CDH2: variants seen among roughly 807,000 people sequenced by gnomAD.
CDH2 encodes cadherin 2, also known as cadherin-2.
Under a neutral mutation model 92.0 loss-of-function variants are expected in CDH2, and 17 were observed. The ratio of observed to expected loss-of-function variants is 0.18; its 90% CI spans 0.13 to 0.28. The LOEUF (loss-of-function observed/expected upper bound fraction) is 0.28. Among genes scored for constraint, CDH2 ranks in the 10% least tolerant of loss-of-function variants. The pLI is 1.00. For missense variants in CDH2, 862 were observed against 1,133.1 expected, an observed-to-expected ratio of 0.76 and a Z score of 3.44; for synonymous variants, 419 against 415.9, an observed-to-expected ratio of 1.01 and a Z score of -0.09.
At chr18:27,995,995 C>T (rs559330953) in intron 7 of CDH2, among the ~76,000 whole-genome samples, 4 of 152,224 alleles carry the variant, frequency 2.6e-5, no homozygotes, top group South Asian at 2.1e-4. Flanking sequence ...ATTTAGATTC[C>T]GTTAAGTGTT....
intron 15 of CDH2, 131 bp from the exon 16 acceptor site, chr18:27,952,490 T>A: frequency 1.5e-6 from 1 of 687,510 alleles, no homozygotes; most frequent in Non-Finnish European, 2.5e-6. Context: ...CATACCATAT[T>A]TTCAACACAT....
At chr18:28,082,364 T>A (rs1383825594) in intron 2 of CDH2, among the ~76,000 whole-genome samples, 1 of 152,068 alleles carries the variant, frequency 6.6e-6, no homozygotes, top group Non-Finnish European at 1.5e-5. Context: ...TGAGCTATGA[T>A]CACACAACTG....
At chr18:27,949,779 A>C (rs968531026), downstream of CDH2, among the ~76,000 whole-genome samples, 6 of 151,866 alleles carry the variant, frequency 4.0e-5, no homozygotes, top group East Asian at 1.2e-3. Context: ...ATATAAAAAG[A>C]ATGTTTTTAC....
Position 27,951,610 on chromosome 18 carries a change from T to TAA in CDH2, c.*541_*542dup, listed in dbSNP as rs1909452703. 8.2e-6 allele frequency: 1 copy of TAA among 121,830 alleles called. No individual in the cohort carries two copies. Among genetic ancestry groups the TAA allele is most frequent in the South Asian group, 3.3e-4 (1 of 3,062 alleles). 7.5% of individuals were successfully genotyped at this position (121,830 alleles called of 1,614,324 possible). ...TATTTGCAACCAGCTGAGTAAGTTT[T>TAA]AAGATTTTAGTGAAAAAAAAAAAAA... On this transcript the variant is annotated 3_prime_UTR_variant, in exon 16 of 16. Coordinates refer to ENST00000269141, the MANE Select transcript of CDH2 (RefSeq NM_001792.5).
intron 2 of CDH2, among the ~76,000 whole-genome samples, chr18:28,127,934 C>A (rs1030229726): frequency 3.9e-5 from 6 of 152,136 alleles, no homozygotes; most frequent in African/African-American, 1.4e-4. Flanking sequence ...GCTAACCTAT[C>A]AAATATTAAC....
At chr18:27,953,271 A>G (rs1909552848) in intron 15 of CDH2, among the ~76,000 whole-genome samples, 1 of 152,132 alleles carries the variant, frequency 6.6e-6, no homozygotes, top group African/African-American at 2.4e-5. Flanking sequence ...ACTACTATCT[A>G]TATTTGTAAC....
intron 2 of CDH2, among the ~76,000 whole-genome samples, chr18:28,072,246 T>C (rs1411379190): frequency 6.6e-6 from 1 of 152,092 alleles, no homozygotes; most frequent in Non-Finnish European, 1.5e-5. Context: ...TTTCTTTATA[T>C]GCCATAAAAA....
At chr18:28,031,884 A>G (rs1266559908) in intron 2 of CDH2, among the ~76,000 whole-genome samples, 4 of 152,118 alleles carry the variant, frequency 2.6e-5, no homozygotes, top group Non-Finnish European at 5.9e-5. Context: ...CGACTTGTCC[A>G]GTCAAATCAG....
chr18:28,158,956 G>A (rs2016263801), intron 1 of CDH2, among the ~76,000 whole-genome samples: 1 of 152,022 alleles, frequency 6.6e-6, no homozygotes, highest in Non-Finnish European at 1.5e-5. Context: ...GCATACAACT[G>A]GTTTAATATT....
chr18:28,122,977 A>T (rs1232976156), intron 2 of CDH2, among the ~76,000 whole-genome samples: 1 of 152,106 alleles, frequency 6.6e-6, no homozygotes, highest in African/African-American at 2.4e-5. Context: ...TTAGATCATG[A>T]TGAAAGTTTG....
intron 7 of CDH2, among the ~76,000 whole-genome samples, chr18:27,993,979 T>C (rs1022749068): frequency 1.3e-5 from 2 of 152,236 alleles, no homozygotes; most frequent in African/African-American, 4.8e-5. Flanking sequence ...ATTTGGTTCG[T>C]ATTTACTTTC....
intron 15 of CDH2, 49 bp from the exon 16 acceptor site, chr18:27,952,408 T>C: frequency 6.9e-7 from 1 of 1,453,444 alleles, no homozygotes; most frequent in Non-Finnish European, 9.6e-7. Context: ...AGGGTTACAC[T>C]TTACAAAACC....
Position 28,042,973 on chromosome 18 carries a change from C to G in CDH2, c.173-29064G>C, listed in dbSNP as rs78785114. Among the ~76,000 whole-genome samples, 914 of 152,178 alleles carry G rather than the reference C, an allele frequency of 6.0e-3. 9 individuals carry two copies. The highest frequency in any genetic ancestry group is 0.02 in the African/African-American group (822 of 41,534). On this transcript the variant is annotated intron_variant, in intron 2 of 15. Coordinates refer to ENST00000269141, the MANE Select transcript of CDH2 (RefSeq NM_001792.5). ...CAAATTTTATTTGTATTCAATCAGT[C>G]AAGAAGAGATTTGCTTCTGTTTCTG...
chr18:28,082,502 G>T (rs2014850450), intron 2 of CDH2, among the ~76,000 whole-genome samples: 1 of 152,086 alleles, frequency 6.6e-6, no homozygotes, highest in South Asian at 2.1e-4. Context: ...AACAAAAATA[G>T]GTCAAGTTCT....
intron 6 of CDH2, among the ~76,000 whole-genome samples, chr18:27,935,762 A>G (rs1381848381): frequency 2.0e-5 from 3 of 152,224 alleles, no homozygotes; most frequent in African/African-American, 7.2e-5. Flanking sequence ...CAGATGTCCA[A>G]TCAGTCTCTA....
chr18:27,965,468 C>T (rs140680663), intron 14 of CDH2, among the ~76,000 whole-genome samples: 91 of 152,300 alleles, frequency 6.0e-4, no homozygotes, highest in African/African-American at 2.0e-3. Flanking sequence ...TATGGGCTGG[C>T]GACAAAGCGC....
At chr18:28,089,131 A>G (rs1374270533) in intron 2 of CDH2, among the ~76,000 whole-genome samples, 1 of 152,102 alleles carries the variant, frequency 6.6e-6, no homozygotes. Flanking sequence ...ATGTCATTCA[A>G]CTCTAGCACA....
intron 1 of CDH2, among the ~76,000 whole-genome samples, chr18:28,171,837 G>A (rs2016468816): frequency 1.3e-5 from 2 of 152,158 alleles, no homozygotes; most frequent in African/African-American, 4.8e-5. Flanking sequence ...GACTTTAAGA[G>A]AGTAGACTAC....
At chr18:28,036,856 T>C (rs1260173769) in intron 2 of CDH2, among the ~76,000 whole-genome samples, 1 of 152,158 alleles carries the variant, frequency 6.6e-6, no homozygotes, top group African/African-American at 2.4e-5. Context: ...GAATAAACTT[T>C]AAGGGGGTAA....
Sources: allele counts gnomAD v4.1 joint callset (sites outside exome capture counted in the v4.1 genomes callset), GRCh38; gene constraint gnomAD v4.1.1; transcripts MANE v1.5; gene names NCBI Gene and HGNC (gene_info 2026-07-23, HGNC 2026-07-21).